The following EDIL3 variants were observed in gnomAD, a reference collection of about 807,000 sequenced individuals.
EDIL3 encodes EGF-like repeat and discoidin I-like domain-containing protein 3.
Under a neutral mutation model 67.4 loss-of-function variants are expected in EDIL3, and 37 were observed. The observed-to-expected ratio is 0.55, with a 90% CI of 0.42 to 0.72. EDIL3 has a LOEUF of 0.72. Among genes scored for constraint, EDIL3 ranks in the 30% least tolerant of loss-of-function variants. EDIL3 has a pLI of 0.00. For missense variants in EDIL3, 527 were observed against 586.3 expected (o/e 0.90, Z 1.04); for synonymous variants, 195 against 196.3 (o/e 0.99, Z 0.05).
chr5:84,342,233 T>G (rs1263682545), intron 1 of EDIL3, among the ~76,000 whole-genome samples: 3 of 152,094 alleles, frequency 2.0e-5, no homozygotes, highest in Non-Finnish European at 4.4e-5. Flanking sequence ...GAAGCCATTA[T>G]TTTAAATAAA....
chr5:84,052,277 T>C (rs938096911), intron 9 of EDIL3, among the ~76,000 whole-genome samples: 23 of 152,230 alleles, frequency 1.5e-4, no homozygotes, highest in Admixed American at 1.1e-3. Context: ...TTTGTCACCA[T>C]CAGGCCTGCC....
intron 2 of EDIL3, among the ~76,000 whole-genome samples, 181 bp from the exon 3 acceptor site, chr5:84,230,065 G>T (rs1744539046): frequency 6.6e-6 from 1 of 152,046 alleles, no homozygotes; most frequent in South Asian, 2.1e-4. Context: ...AAATTGTCAT[G>T]ATTTAATAAC....
At chr5:83,965,787 G>C (rs959891691) in intron 9 of EDIL3, among the ~76,000 whole-genome samples, 5 of 151,722 alleles carry the variant, frequency 3.3e-5, no homozygotes, top group African/African-American at 1.2e-4. Flanking sequence ...ATCTAGAAAT[G>C]TTTTTCTTTT....
intron 3 of EDIL3, among the ~76,000 whole-genome samples, chr5:84,206,366 G>T (rs1029846179): frequency 1.3e-5 from 2 of 151,950 alleles, no homozygotes; most frequent in African/African-American, 4.8e-5. Flanking sequence ...GTGTGGTGTG[G>T]TGCTGAAAAA....
At chr5:84,029,818 A>G (rs1357991932) in intron 9 of EDIL3, among the ~76,000 whole-genome samples, 1 of 152,210 alleles carries the variant, frequency 6.6e-6, no homozygotes, top group Non-Finnish European at 1.5e-5. Context: ...ATTGTATACA[A>G]TTCTGGAGAC....
At chr5:84,200,338 T>C (rs551343038) in intron 3 of EDIL3, among the ~76,000 whole-genome samples, 1 of 152,158 alleles carries the variant, frequency 6.6e-6, no homozygotes, top group African/African-American at 2.4e-5. Flanking sequence ...ATCATGACTA[T>C]ATGTAAAGAG....
intron 1 of EDIL3, among the ~76,000 whole-genome samples, chr5:84,263,030 T>C (rs575290408): frequency 6.6e-6 from 1 of 152,228 alleles, no homozygotes; most frequent in African/African-American, 2.4e-5. Context: ...CAATCATTAG[T>C]TAATATTTAC....
chr5:84,255,512 G>C (rs763699623), intron 1 of EDIL3, among the ~76,000 whole-genome samples: 51 of 152,104 alleles, frequency 3.4e-4, no homozygotes, highest in Non-Finnish European at 5.7e-4. Context: ...GTTTTAAAGG[G>C]AGCTTTGTAG....
At chr5:84,246,307 T>C (rs901641154) in intron 2 of EDIL3, among the ~76,000 whole-genome samples, 7 of 152,244 alleles carry the variant, frequency 4.6e-5, no homozygotes, top group African/African-American at 1.7e-4. Context: ...TCTTTCTTAC[T>C]ACTCTTGACA....
At chr5:83,987,070 C>A (rs1334092192) in intron 9 of EDIL3, among the ~76,000 whole-genome samples, 1 of 152,132 alleles carries the variant, frequency 6.6e-6, no homozygotes, top group Non-Finnish European at 1.5e-5. Context: ...ACCATGTACT[C>A]CACTTGAGCA....
At chr5:84,131,504 G>A (rs904557324) in intron 5 of EDIL3, among the ~76,000 whole-genome samples, 4 of 152,152 alleles carry the variant, frequency 2.6e-5, no homozygotes, top group East Asian at 1.9e-4. Context: ...ATCATGCTTA[G>A]GGCTGCAGGC....
chr5:84,244,911 C>T (rs2112064204), intron 2 of EDIL3, among the ~76,000 whole-genome samples: 1 of 152,348 alleles, frequency 6.6e-6, no homozygotes, highest in South Asian at 2.1e-4. Flanking sequence ...TTGTGAACTG[C>T]ATATGCAAGG....
chr5:83,986,621 G>A (rs544333916), intron 9 of EDIL3, among the ~76,000 whole-genome samples: 105 of 152,134 alleles, frequency 6.9e-4, no homozygotes, highest in African/African-American at 2.4e-3. Flanking sequence ...TTCCCTTGTG[G>A]GGTCTGAGTA....
At position 84,091,297 on chromosome 5, in the gene EDIL3, T is replaced by C. The variant is rs932266201; in HGVS notation, c.651+15352A>G. Among the ~76,000 whole-genome samples the C allele has an allele frequency of 4.6e-5, 7 of 152,230 alleles. 1 individual carries two copies. Among genetic ancestry groups the C allele is most frequent in the Admixed American group, 3.9e-4 (6 of 15,282 alleles). ...GTTAGACGGAATTACAGTCAATACA[T>C]GCAGAGCAGTTGAAACTGCAGCACA... On this transcript the variant is annotated intron_variant, in intron 6 of 10. Coordinates refer to ENST00000296591, the MANE Select transcript of EDIL3 (RefSeq NM_005711.5).
chr5:84,003,212 A>G (rs1745361390), intron 9 of EDIL3, among the ~76,000 whole-genome samples: 2 of 152,190 alleles, frequency 1.3e-5, no homozygotes, highest in Non-Finnish European at 2.9e-5. Flanking sequence ...TTAGGCCTGT[A>G]GTGTAGCCAC....
chr5:83,949,165 A>C, intron 10 of EDIL3, among the ~76,000 whole-genome samples: 1 of 151,774 alleles, frequency 6.6e-6, no homozygotes, highest in East Asian at 1.9e-4. Flanking sequence ...CCTTCACTAC[A>C]GGGCAGCCCA....
intron 2 of EDIL3, among the ~76,000 whole-genome samples, chr5:84,230,762 G>T (rs1561228864): frequency 3.0e-5 from 1 of 32,798 alleles, no homozygotes; most frequent in South Asian, 1.1e-3. Flanking sequence ...CCCACTACGT[G>T]ATGTGTGTGT....
At chr5:84,368,981 T>C (rs1255658171) in intron 1 of EDIL3, among the ~76,000 whole-genome samples, 1 of 151,634 alleles carries the variant, frequency 6.6e-6, no homozygotes, top group Non-Finnish European at 1.5e-5. Context: ...AAGCATAAAA[T>C]AAAAAGTGTT....
intron 4 of EDIL3, among the ~76,000 whole-genome samples, chr5:84,141,952 GATCTATCTATCT>G (rs70975543): frequency 9.0e-4 from 97 of 108,366 alleles, no homozygotes; most frequent in South Asian, 4.1e-3. Flanking sequence ...TATATACATA[GATCTATCTATCT>G]ATCTATCTAT....
Sources: gnomAD v4.1 joint callset for allele counts (sites outside exome capture counted in the v4.1 genomes callset) on GRCh38, gnomAD v4.1.1 for gene constraint, MANE v1.5 for transcripts, NCBI Gene and HGNC (gene_info 2026-07-23, HGNC 2026-07-21) for gene names.